OPA1: variants seen among roughly 807,000 people sequenced by gnomAD.
OPA1 encodes the protein OPA1 mitochondrial dynamin like GTPase, also known as dynamin-like GTPase OPA1, mitochondrial.
A neutral mutation model predicts 152.9 loss-of-function variants in OPA1; 59 were observed. The observed-to-expected ratio is 0.39, with a 90% confidence interval of 0.31 to 0.48. OPA1 has a LOEUF of 0.48. Ranked by LOEUF, OPA1 falls within the 20% of genes least tolerant of loss-of-function variation. The probability of loss-of-function intolerance (pLI) is 0.96; values close to 1 mark genes in which losing one functional copy is unlikely to be tolerated. For missense variants in OPA1, 1,008 were observed against 1,216.8 expected (o/e 0.83, Z 2.55); for synonymous variants, 400 against 389.9 (o/e 1.03, Z -0.31).
Position 193,692,053 on chromosome 3 carries a change from A to T in OPA1, c.2984-10A>T. 1 of 1,443,862 alleles carries T rather than the reference A, an allele frequency of 6.9e-7. No individual in the cohort carries two copies. The highest frequency in any genetic ancestry group is 9.6e-7 in the Non-Finnish European group (1 of 1,042,510). 89.4% of individuals were successfully genotyped at this position (1,443,862 alleles called of 1,614,324 possible). ...AAAATAAATGTTTTTCTTTATTTTT[A>T]TCTCCACAGAGAAAGTTAGAGAAAT... On this transcript the variant is annotated splice_polypyrimidine_tract_variant and intron_variant, in intron 29 of 30. Transcript: ENST00000361510.
At chr3:193,631,784 C>A in intron 8 of OPA1, 119 bp downstream of exon 8, 1 of 807,702 alleles carries the variant, frequency 1.2e-6, no homozygotes, top group East Asian at 2.4e-5. Context: ...AATGATAGAA[C>A]CTTATTATTA....
intron 25 of OPA1, among the ~76,000 whole-genome samples, 160 bp downstream of exon 25, chr3:193,659,721 T>C (rs1460819656): frequency 1.3e-5 from 2 of 152,246 alleles, no homozygotes; most frequent in Non-Finnish European, 2.9e-5. Context: ...GAATAAAGAA[T>C]AAACTACATA....
At position 193,596,363 on chromosome 3, in the gene OPA1, TAA is replaced by T. The variant is rs1411720239; in HGVS notation, c.32+2955_32+2956del. ...TTTCTTTTCTTTTCTTTTCTTTTCT[TAA>T]TTTTCTTTTCTTTTCTTTTCTTTTC... On this transcript the variant is annotated intron_variant, in intron 1 of 30. Transcript: ENST00000361510. Among the ~76,000 whole-genome samples the T allele has an allele frequency of 6.1e-3, 534 of 86,948 alleles. 9 individuals are homozygous for T. Among genetic ancestry groups the T allele is most frequent in the Admixed American group, 0.032 (224 of 7,090 alleles). 57.0% of individuals were successfully genotyped at this position (86,948 alleles called of 152,430 possible).
At chr3:193,604,302 A>G (rs1726892567) in intron 1 of OPA1, among the ~76,000 whole-genome samples, 1 of 152,152 alleles carries the variant, frequency 6.6e-6, no homozygotes, top group African/African-American at 2.4e-5. Context: ...TGTAAGGCCA[A>G]CTTCATTTGG....
chr3:193,613,857 T>G (rs994024015), intron 1 of OPA1: 1 of 508,850 alleles, frequency 2.0e-6, no homozygotes, highest in East Asian at 5.5e-5. Context: ...GGATTACAGG[T>G]GTGAGCCACC....
chr3:193,675,457 C>G (rs895656527), intron 29 of OPA1, among the ~76,000 whole-genome samples: 2 of 152,018 alleles, frequency 1.3e-5, no homozygotes, highest in African/African-American at 4.8e-5. Context: ...GTTTCTTGGG[C>G]TCACAACACC....
chr3:193,645,077 A>G (rs1194758961), intron 16 of OPA1, among the ~76,000 whole-genome samples: 1 of 152,114 alleles, frequency 6.6e-6, no homozygotes, highest in South Asian at 2.1e-4. Context: ...ATTAAAGAAG[A>G]AGGTGGGAGG....
intron 30 of OPA1, among the ~76,000 whole-genome samples, chr3:193,692,847 C>T (rs1326734380): frequency 6.6e-6 from 1 of 152,244 alleles, no homozygotes. Context: ...GCCTCAACCT[C>T]CTGGGCTCAA....
At chr3:193,596,309 TCCTTTCCTTTCCTTTCCTTTCCTTTC>T (rs1436402968) in intron 1 of OPA1, among the ~76,000 whole-genome samples, 4 of 95,546 alleles carry the variant, frequency 4.2e-5, no homozygotes, top group Non-Finnish European at 9.3e-5. Context: ...TCTTTTCTTT[TCCTTTCCTTTCCTTTCCTTTCCTTTC>T]CTTTTCTTTT....
chr3:193,643,344 A>G (rs1312601124), intron 13 of OPA1, 29 bp from the exon 14 acceptor site: 8 of 1,547,992 alleles, frequency 5.2e-6, no homozygotes, highest in Non-Finnish European at 7.1e-6. Context: ...AAACTTTAGC[A>G]TTGTTTTATT....
intron 29 of OPA1, among the ~76,000 whole-genome samples, chr3:193,667,783 T>A (rs1252200747): frequency 6.6e-6 from 1 of 152,144 alleles, no homozygotes; most frequent in Non-Finnish European, 1.5e-5. Context: ...TGTATAGTTC[T>A]TAGAAACAGA....
Position 193,695,343 on chromosome 3 carries a change from G to C in OPA1, c.*743G>C, listed in dbSNP as rs377022565. 7 of 152,222 alleles carry C rather than the reference G, an allele frequency of 4.6e-5. No homozygotes were observed. In the East Asian group the frequency reaches 1.2e-3, roughly 25 times the overall value. The allele number at this position is 152,222 out of a possible 1,614,324, so 9.4% of individuals were successfully genotyped here. On this transcript the variant is annotated 3_prime_UTR_variant, in exon 31 of 31. Transcript: ENST00000361510. Reference sequence around the variant, plus strand: ...TTTTAGATGTTGTATACTTACGTTAGGCTTTCTGTTAATAGTGGTTTTTCT... The same window carrying C: ...TTTTAGATGTTGTATACTTACGTTACGCTTTCTGTTAATAGTGGTTTTTCT...
intron 1 of OPA1, among the ~76,000 whole-genome samples, chr3:193,606,130 A>C (rs1169088691): frequency 6.6e-6 from 1 of 152,142 alleles, no homozygotes; most frequent in Admixed American, 6.6e-5. Context: ...TTATCAGCCG[A>C]CAATCCCTTT....
intron 29 of OPA1, among the ~76,000 whole-genome samples, chr3:193,685,559 G>T (rs533209090): frequency 6.6e-6 from 1 of 152,106 alleles, no homozygotes; most frequent in Non-Finnish European, 1.5e-5. Context: ...ATGCTGGGCC[G>T]AGTGATTTTA....
At chr3:193,606,090 G>A (rs554403434) in intron 1 of OPA1, among the ~76,000 whole-genome samples, 1 of 152,268 alleles carries the variant, frequency 6.6e-6, no homozygotes, top group East Asian at 1.9e-4. Context: ...GCTCCCTCTA[G>A]TGGTGAAACA....
chr3:193,648,191 A>T (rs1377633340), intron 20 of OPA1, 57 bp downstream of exon 20: 1 of 1,332,306 alleles, frequency 7.5e-7, no homozygotes, highest in African/African-American at 1.4e-5. Flanking sequence ...TTGTTTGCTA[A>T]CTAAATTTAT....
At chr3:193,675,518 C>T (rs889445836) in intron 29 of OPA1, among the ~76,000 whole-genome samples, 3 of 152,004 alleles carry the variant, frequency 2.0e-5, no homozygotes, top group Admixed American at 6.5e-5. Context: ...TTTTCCCTTT[C>T]TTTTTATGCA....
intron 29 of OPA1, among the ~76,000 whole-genome samples, chr3:193,686,959 G>C (rs1288740195): frequency 1.3e-5 from 2 of 152,138 alleles, no homozygotes; most frequent in Non-Finnish European, 2.9e-5. Context: ...GTTTATTTCA[G>C]GGCATGTGTT....
intron 1 of OPA1, among the ~76,000 whole-genome samples, chr3:193,598,999 G>A (rs1726046795): frequency 6.6e-6 from 1 of 152,148 alleles, no homozygotes; most frequent in Non-Finnish European, 1.5e-5. Context: ...AAACCTTGTG[G>A]TGATTGGTGA....
Sources: gnomAD v4.1 joint callset for allele counts (sites outside exome capture counted in the v4.1 genomes callset) on GRCh38, gnomAD v4.1.1 for gene constraint, MANE v1.5 for transcripts, NCBI Gene and HGNC (gene_info 2026-07-23, HGNC 2026-07-21) for gene names.